ITFG1: variants seen among roughly 807,000 people sequenced by gnomAD.
ITFG1 encodes T-cell immunomodulatory protein.
Under a neutral mutation model 81.8 loss-of-function variants are expected in ITFG1, and 34 were observed. The ratio of observed to expected loss-of-function variants is 0.42; its 90% CI spans 0.32 to 0.55. ITFG1 has a LOEUF of 0.55. Ranked by LOEUF, ITFG1 falls within the 20% of genes least tolerant of loss-of-function variation. The pLI is 0.17. For missense variants in ITFG1, 672 were observed against 755.4 expected, an observed-to-expected ratio of 0.89 and a Z score of 1.29; for synonymous variants, 285 against 270.6, an observed-to-expected ratio of 1.05 and a Z score of -0.52.
At chr16:47,289,059 T>C (rs748900128) in intron 10 of ITFG1, among the ~76,000 whole-genome samples, 4 of 152,222 alleles carry the variant, frequency 2.6e-5, no homozygotes, top group Non-Finnish European at 5.9e-5. Flanking sequence ...GTTTTTACGA[T>C]GAAGGATGCT....
intron 5 of ITFG1, chr16:47,449,810 G>A (rs1969366984): frequency 6.6e-6 from 1 of 152,016 alleles, no homozygotes; most frequent in South Asian, 2.1e-4. Flanking sequence ...AGAAGCTATG[G>A]CACAATTCCA....
At chr16:47,206,695 T>C (rs1453441461) in intron 14 of ITFG1, among the ~76,000 whole-genome samples, 3 of 152,232 alleles carry the variant, frequency 2.0e-5, no homozygotes, top group African/African-American at 7.2e-5. Flanking sequence ...ATTTCACTCT[T>C]GATTTCCCTT....
chr16:47,174,566 G>A (rs1267151377), intron 14 of ITFG1, among the ~76,000 whole-genome samples: 1 of 152,106 alleles, frequency 6.6e-6, no homozygotes, highest in Non-Finnish European at 1.5e-5. Flanking sequence ...TCTTGCCCAG[G>A]CTGGAGTGCA....
intron 8 of ITFG1, among the ~76,000 whole-genome samples, chr16:47,339,208 T>A (rs1416076985): frequency 1.3e-5 from 2 of 152,342 alleles, no homozygotes; most frequent in African/African-American, 4.8e-5. Flanking sequence ...CATCTGTTGA[T>A]GGACTTCCAT....
intron 13 of ITFG1, among the ~76,000 whole-genome samples, chr16:47,226,740 A>C (rs1228078946): frequency 6.6e-6 from 1 of 152,038 alleles, no homozygotes. Flanking sequence ...AACCAAGGCA[A>C]CATACCACAA....
chr16:47,182,965 AG>A (rs2151514403), intron 14 of ITFG1, among the ~76,000 whole-genome samples: 1 of 152,334 alleles, frequency 6.6e-6, no homozygotes, highest in South Asian at 2.1e-4. Flanking sequence ...GGGAAGCGCA[AG>A]GGGTCAGGGA....
chr16:47,362,875 A>C (rs565997678), intron 8 of ITFG1, among the ~76,000 whole-genome samples: 1 of 151,522 alleles, frequency 6.6e-6, no homozygotes, highest in Non-Finnish European at 1.5e-5. Context: ...CTGGACTATA[A>C]ATTTCTTTCT....
intron 10 of ITFG1, among the ~76,000 whole-genome samples, chr16:47,299,026 G>A (rs1967030000): frequency 6.6e-6 from 1 of 152,134 alleles, no homozygotes; most frequent in Non-Finnish European, 1.5e-5. Context: ...GAGAGGGGTG[G>A]TGGGGGAGTC....
At chr16:47,448,880 A>G (rs1969354063) in intron 5 of ITFG1, 1 of 152,122 alleles carries the variant, frequency 6.6e-6, no homozygotes, top group African/African-American at 2.4e-5. Flanking sequence ...ATTATAAGTG[A>G]AGTTGAAGCT....
intron 14 of ITFG1, among the ~76,000 whole-genome samples, chr16:47,189,068 A>G (rs1302314243): frequency 1.3e-5 from 2 of 152,172 alleles, no homozygotes; most frequent in African/African-American, 4.8e-5. Context: ...CCAGCCCCAT[A>G]AACAGTTTTT....
intron 12 of ITFG1, among the ~76,000 whole-genome samples, chr16:47,243,427 A>G (rs1166193279): frequency 1.3e-5 from 2 of 152,230 alleles, no homozygotes; most frequent in East Asian, 3.8e-4. Flanking sequence ...TCAGATGAGT[A>G]TGTGGTAAAC....
chr16:47,385,463 T>C (rs1002706187), intron 6 of ITFG1, among the ~76,000 whole-genome samples: 1 of 152,232 alleles, frequency 6.6e-6, no homozygotes, highest in Admixed American at 6.5e-5. Context: ...CTAAACTTAA[T>C]ATGTGAAACT....
intron 2 of ITFG1, among the ~76,000 whole-genome samples, chr16:47,457,938 T>C (rs1052588080): frequency 1.3e-5 from 2 of 152,218 alleles, no homozygotes; most frequent in Non-Finnish European, 2.9e-5. Flanking sequence ...AACTTTCCCC[T>C]CAAAGTTCTA....
upstream of ITFG1, chr16:47,461,209 A>T (rs1969541056): frequency 3.1e-6 from 3 of 969,540 alleles, no homozygotes; most frequent in South Asian, 5.1e-5. Flanking sequence ...CGACGCTAAA[A>T]AAGCAGTGGA....
At chr16:47,396,001 G>T in intron 6 of ITFG1, 1 of 183,320 alleles carries the variant, frequency 5.5e-6, no homozygotes, top group Non-Finnish European at 1.0e-5. Context: ...GTAAAAGCCT[G>T]CCTAATGTTT....
At chr16:47,220,698 A>G (rs1291622441) in intron 13 of ITFG1, among the ~76,000 whole-genome samples, 2 of 152,240 alleles carry the variant, frequency 1.3e-5, no homozygotes, top group Non-Finnish European at 2.9e-5. Flanking sequence ...AATTTCCAAA[A>G]TGACCAATGC....
At chr16:47,253,557 T>G (rs902623213) in intron 12 of ITFG1, among the ~76,000 whole-genome samples, 9 of 152,136 alleles carry the variant, frequency 5.9e-5, no homozygotes, top group African/African-American at 1.9e-4. Flanking sequence ...GCACCACAGA[T>G]GGGTTTTGCA....
At chr16:47,309,128 C>T (rs1967217420) in intron 10 of ITFG1, among the ~76,000 whole-genome samples, 2 of 147,478 alleles carry the variant, frequency 1.4e-5, no homozygotes, top group Admixed American at 6.9e-5. Flanking sequence ...GAGTGCAATG[C>T]TGTGATCTTG....
Position 47,409,374 on chromosome 16 carries a change from CTATATATATATATATATA to C in ITFG1, c.655+19412_655+19429del, listed in dbSNP as rs1187875461. 6.5e-3 allele frequency among the ~76,000 whole-genome samples: 136 copies of C among 20,990 alleles called. 4 individuals carry two copies. Among genetic ancestry groups the C allele is most frequent in the Middle Eastern group, 0.038 (1 of 26 alleles). The allele number at this position is 20,990 out of a possible 152,430, so 13.8% of individuals were successfully genotyped here. A position where few individuals can be genotyped will look rare whatever the true frequency, so the allele number is the denominator to read the frequency against. ...ACATAACAAGACACATACACACACACTATATATATATATATATATATATATATATATTTTTTTTTTTTT... is the reference window on the plus strand; with the variant it reads ...ACATAACAAGACACATACACACACACTATATATATATATTTTTTTTTTTTT... On this transcript the variant is annotated intron_variant, in intron 6 of 17. Coordinates refer to ENST00000320640, the MANE Select transcript of ITFG1 (RefSeq NM_030790.5).
Sources: gnomAD v4.1 joint callset for allele counts (sites outside exome capture counted in the v4.1 genomes callset) on GRCh38, gnomAD v4.1.1 for gene constraint, MANE v1.5 for transcripts, NCBI Gene and HGNC (gene_info 2026-07-23, HGNC 2026-07-21) for gene names.